Variants in GBP2 observed in about 807,000 individuals in gnomAD.
GBP2 encodes guanylate-binding protein 2.
GBP2 carries 54 observed loss-of-function variants against 60.8 expected under a neutral mutation model. That is an observed-to-expected ratio of 0.89 (90% CI 0.71 to 1.11). The LOEUF (loss-of-function observed/expected upper bound fraction) is 1.11. GBP2 is among the 50% of genes most tolerant of loss of function. The pLI is 0.00. For synonymous variants in GBP2, 243 were observed against 256.5 expected (o/e 0.95, Z 0.50); for missense variants, 665 against 703.3 (o/e 0.95, Z 0.62).
At position 89,117,004 on chromosome 1, in the gene GBP2, C is replaced by T; in HGVS notation, c.856G>A (p.Val286Ile). Residue 286 changes from valine to isoleucine, a missense_variant, in exon 6 of 11, where the codon GTC becomes ATC. Val to Ile is a conservative substitution (Grantham distance 29, BLOSUM62 3). Transcript: ENST00000370466. ...NVKTLSGGIPVNGPRLESLVL... is the reference protein window; with the variant it reads ...NVKTLSGGIPINGPRLESLVL... ...GAGAGTGACTCACGAGGCCCATTGACTGGAATGCCACCTGAAAGAGTCTTG... is the reference window on the plus strand; with the variant it reads ...GAGAGTGACTCACGAGGCCCATTGATTGGAATGCCACCTGAAAGAGTCTTG... 2 of 1,613,984 alleles carry T rather than the reference C, an allele frequency of 1.2e-6. No individual in the cohort carries two copies. Among genetic ancestry groups the T allele is most frequent in the African/African-American group, 1.3e-5 (1 of 75,032 alleles).
In GBP2 at chr1:89,126,067, C is replaced by T. The variant is rs950063444; in HGVS notation, c.-222G>A. ...GGCTCTGTCAATGTCAGAGACCTGA[C>T]GAGAGACAAGAAAAAGAGGTAACCT... On this transcript the variant is annotated 5_prime_UTR_variant, in exon 1 of 11. Coordinates refer to ENST00000370466, the MANE Select transcript of GBP2 (RefSeq NM_004120.5). The T allele has an allele frequency of 3.3e-5, 5 of 152,110 alleles. No individual in the cohort carries two copies. The highest frequency in any genetic ancestry group is 7.3e-5 in the Non-Finnish European group (5 of 68,038). 9.4% of individuals were successfully genotyped at this position (152,110 alleles called of 1,614,324 possible).
In GBP2 at chr1:89,121,930, G is replaced by A. The variant is rs1347422815; in HGVS notation, c.37C>T (p.Leu13Phe). Residue 13 changes from leucine (L) to phenylalanine (F), a missense_variant, in exon 2 of 11, where the codon CTC (leucine) becomes TTC (phenylalanine). Physicochemically the swap from Leu to Phe is conservative, Grantham distance 22 (BLOSUM62 0). Coordinates refer to ENST00000370466, the MANE Select transcript of GBP2 (RefSeq NM_004120.5). ...PEINLPGPMS[L>F]IDNTKGQLVV... is the part of the protein sequence containing the mutation. ...AGCTGCCCTTTAGTGTTATCAATGA[G>A]GCTCATTGGGCCCGGCAAGTTGATC... is the stretch of plus-strand genomic sequence containing the variant. 1.2e-6 allele frequency: 2 copies of A among 1,613,634 alleles called. No homozygotes were observed. Among genetic ancestry groups the A allele is most frequent in the South Asian group, 1.1e-5 (1 of 91,030 alleles).
chr1:89,118,442 G>T (rs1681326837), intron 4 of GBP2: 1 of 152,172 alleles, frequency 6.6e-6, no homozygotes. Context: ...AATAAATAGA[G>T]GTTGGGATAT....
chr1:89,109,696 G>T lies in GBP2; in HGVS notation c.1640C>A (p.Thr547Asn), dbSNP rs1557437461. 3 of 1,613,774 alleles carry T rather than the reference G, an allele frequency of 1.9e-6. No individual in the cohort carries two copies. The highest frequency in any genetic ancestry group is 2.5e-6 in the Non-Finnish European group (3 of 1,179,920). ...RAQLMAEQEKTLALKLQEQER... is the reference protein window; with the variant it reads ...RAQLMAEQEKNLALKLQEQER... ...GAATACCTGAAGTTTAAGAGCGAGG[G>T]TCTTCTCTTGCTCTGCCATTAACTG... Residue 547 changes from threonine to asparagine, a missense_variant, in exon 10 of 11, where the codon ACC (threonine) becomes AAC (asparagine). By Grantham distance (65) the Thr-to-Asn change is moderately conservative. Coordinates refer to ENST00000370466, the MANE Select transcript of GBP2 (RefSeq NM_004120.5).
chr1:89,117,971 A>G, intron 4 of GBP2, 198 bp from the exon 5 acceptor site: 1 of 494,742 alleles, frequency 2.0e-6, no homozygotes, highest in Non-Finnish European at 3.6e-6. Context: ...GGGACTAAGA[A>G]CGCTGTAATG....
At position 89,114,016 on chromosome 1, in the gene GBP2, C is replaced by A; in HGVS notation, c.1149G>T (p.Gly383=). 1 of 1,614,010 alleles carries A rather than the reference C, an allele frequency of 6.2e-7. No individual in the cohort carries two copies. Among genetic ancestry groups the A allele is most frequent in the Non-Finnish European group, 8.5e-7 (1 of 1,179,938 alleles). ...TCATGACGTAGAACACCAAATATAC[C>A]CCTAATTTCCTCTGGAACATTTGGT... The part of the protein sequence containing the change: ...DVDQMFQRKL[G]AQLEARRDDF... Residue 383 remains glycine, a splice_region_variant and synonymous_variant, in exon 7 of 11, where the codon GGG becomes GGT. Transcript: ENST00000370466.
rs1403659905 is a variant in GBP2 at position 89,121,274 on chromosome 1, T to C, written c.191-4A>G. 4 of 1,597,082 alleles carry C rather than the reference T, an allele frequency of 2.5e-6. No homozygotes were observed. The highest frequency in any genetic ancestry group is 4.5e-5 in the East Asian group (2 of 44,506). On this transcript the variant is annotated splice_region_variant and splice_polypyrimidine_tract_variant and intron_variant, in intron 2 of 10. Transcript: ENST00000370466. ...ACTGTGGAGCCTAGAGAGAAGCCTG[T>C]AGAAGGAGAGGATAAAAGGGAAAAG... is the stretch of plus-strand genomic sequence containing the variant.
intron 6 of GBP2, among the ~76,000 whole-genome samples, chr1:89,114,772 G>A (rs76999677): frequency 0.02 from 2,984 of 152,200 alleles, 38 homozygotes; most frequent in Middle Eastern, 0.065. Flanking sequence ...AGTTTGCCAG[G>A]GCTTTGCTGG....
Position 89,120,226 on chromosome 1 carries a change from C to A in GBP2, c.381G>T (p.Val127=). ...GGTTGATGGTTCCCATGCTATTGTA[C>A]ACGAAGGTGCTGCTCAGGAGGATGG... ...ALAILLSSTF[V]YNSMGTINQQ... is the part of the protein sequence containing the mutation. Residue 127 remains valine, a synonymous_variant, in exon 4 of 11, where the codon GTG becomes GTT. Coordinates refer to ENST00000370466, the MANE Select transcript of GBP2 (RefSeq NM_004120.5). The A allele has an allele frequency of 6.2e-7, 1 of 1,613,938 alleles. No homozygotes were observed. Among genetic ancestry groups the A allele is most frequent in the Non-Finnish European group, 8.5e-7 (1 of 1,179,896 alleles).
chr1:89,113,739 A>G (rs1681211549), intron 7 of GBP2, among the ~76,000 whole-genome samples: 1 of 152,236 alleles, frequency 6.6e-6, no homozygotes, highest in East Asian at 1.9e-4. Flanking sequence ...TAAAAGGACA[A>G]AATAAGTTAA....
chr1:89,115,526 C>A (rs1357831147), intron 6 of GBP2, among the ~76,000 whole-genome samples: 1 of 152,200 alleles, frequency 6.6e-6, no homozygotes, highest in Non-Finnish European at 1.5e-5. Context: ...CAAGACCTGA[C>A]CCCTTTATAC....
Position 89,107,857 on chromosome 1 carries a change from C to T in GBP2, c.*318G>A, listed in dbSNP as rs1216758313. 1.2e-5 allele frequency: 3 copies of T among 242,436 alleles called. No homozygotes were observed. The South Asian group carries it at 1.5e-4, about 12-fold the overall frequency. 15.0% of individuals were successfully genotyped at this position (242,436 alleles called of 1,614,324 possible). A position where few individuals can be genotyped will look rare whatever the true frequency, so the allele number is the denominator to read the frequency against. On this transcript the variant is annotated 3_prime_UTR_variant, in exon 11 of 11. Coordinates refer to ENST00000370466, the MANE Select transcript of GBP2 (RefSeq NM_004120.5). ...AAAAATCTACCCAGAACAGAAACTG[C>T]AAGATATCTCATTGGAAAATGCATC...
intron 8 of GBP2, among the ~76,000 whole-genome samples, chr1:89,111,107 T>C (rs1165505035): frequency 6.6e-6 from 1 of 152,116 alleles, no homozygotes; most frequent in Non-Finnish European, 1.5e-5. Context: ...TCAATATCCC[T>C]TCATTAATAA....
chr1:89,121,133 T>C lies in GBP2; in HGVS notation c.318+10A>G. 6.3e-7 allele frequency: 1 copy of C among 1,584,480 alleles called. No homozygotes were observed. Among genetic ancestry groups the C allele is most frequent in the Non-Finnish European group, 8.6e-7 (1 of 1,161,114 alleles). On this transcript the variant is annotated intron_variant, in intron 3 of 10. Transcript: ENST00000370466. The stretch of plus-strand genomic sequence containing the variant: ...CTAAGTGAAATTTTTAAAATACTTA[T>C]TTTTTTTACCTTCTCTATATCTCCC...
At position 89,112,693 on chromosome 1, in the gene GBP2, T is replaced by A. The variant is rs193093983; in HGVS notation, c.1150-9A>T. The A allele has an allele frequency of 8.3e-5, 134 of 1,606,190 alleles. No individual in the cohort carries two copies. Among genetic ancestry groups the A allele is most frequent in the Non-Finnish European group, 1.1e-4 (126 of 1,172,780 alleles). ...CTTGCTTCCAACTGGGCCTGTGAAG[T>A]GACAAAACAGCACAGATGTTTCAGT... On this transcript the variant is annotated splice_polypyrimidine_tract_variant and intron_variant, in intron 7 of 10. Coordinates refer to ENST00000370466, the MANE Select transcript of GBP2 (RefSeq NM_004120.5).
chr1:89,117,064 C>G lies in GBP2; in HGVS notation c.796G>C (p.Glu266Gln). ...LNPDFIEQVA[E>Q]FCSYILSHSN... The stretch of plus-strand genomic sequence containing the variant: ...TGGCTGAGGATGTAGGAACAAAATT[C>G]TGCAACTTGTTCTATGAAATCAGGG... The change falls in exon 6 of 11, where the codon GAA becomes CAA. Residue 266 changes from glutamate to glutamine, a missense_variant. Coordinates refer to ENST00000370466, the MANE Select transcript of GBP2 (RefSeq NM_004120.5). 1 of 1,614,084 alleles carries G rather than the reference C, an allele frequency of 6.2e-7. No homozygotes were observed. The highest frequency in any genetic ancestry group is 8.5e-7 in the Non-Finnish European group (1 of 1,180,000).
intron 6 of GBP2, among the ~76,000 whole-genome samples, chr1:89,116,791 A>T (rs2297024): frequency 0.7 from 102,320 of 146,548 alleles, 34,767 homozygotes; most frequent in East Asian, 0.8. Flanking sequence ...TTCTTTTTTT[A>T]TTCTCCTTGC....
chr1:89,113,274 G>A (rs1265992398), intron 7 of GBP2, among the ~76,000 whole-genome samples: 2 of 152,228 alleles, frequency 1.3e-5, no homozygotes, highest in Non-Finnish European at 2.9e-5. Context: ...GCTAATGAAA[G>A]TAATGAAGAT....
chr1:89,108,189 A>C lies in GBP2; in HGVS notation c.1762T>G (p.Cys588Gly). The change falls in exon 11 of 11, where the codon TGT (cysteine) becomes GGT (glycine). Residue 588 changes from cysteine (C) to glycine (G), a missense_variant. Transcript: ENST00000370466. ...TCCTTGGACTTTTAGAGTATGTTAC[A>C]TATTGGCTCCAATGATTTGCTTCTC... ...QMRSKSLEPI[C>G]NIL is the part of the protein sequence containing the mutation. 6.2e-7 allele frequency: 1 copy of C among 1,607,430 alleles called. No individual in the cohort carries two copies. The highest frequency in any genetic ancestry group is 8.5e-7 in the Non-Finnish European group (1 of 1,174,702).
Sources: gnomAD v4.1 joint callset for allele counts (sites outside exome capture counted in the v4.1 genomes callset) on GRCh38, gnomAD v4.1.1 for gene constraint, MANE v1.5 for transcripts, NCBI Gene and HGNC (gene_info 2026-07-23, HGNC 2026-07-21) for gene names.